The following CIB1 variants were observed in gnomAD, a reference collection of about 807,000 sequenced individuals.
CIB1 encodes the protein calcium and integrin-binding protein 1.
In CIB1, 19 loss-of-function variants were observed where a neutral mutation model predicts 25.0. That is an observed-to-expected ratio of 0.76 (90% CI 0.53 to 1.12). The LOEUF is 1.12. CIB1 is among the 50% of genes most tolerant of loss of function. The pLI is 0.00. For missense variants in CIB1, 236 were observed against 242.6 expected (o/e 0.97, Z 0.18); for synonymous variants, 104 against 98.5 (o/e 1.06, Z -0.33).
At chr15:90,258,776 T>A in the CIB1 span, 2 of 1,614,080 alleles carry the variant, frequency 1.2e-6, no homozygotes, top group African/African-American at 2.7e-5. Context: ...CACGGACTCA[T>A]GCCTTGATCA....
the CIB1 span, chr15:90,250,863 G>A: frequency 6.2e-7 from 1 of 1,614,098 alleles, no homozygotes; most frequent in Non-Finnish European, 8.5e-7. Flanking sequence ...GAAGCTGGGA[G>A]GAGGAAGAGA....
intron 1 of CIB1, 46 bp from the exon 2 acceptor site, chr15:90,233,749 C>T (rs1180165173): frequency 6.4e-7 from 1 of 1,555,288 alleles, no homozygotes; most frequent in Non-Finnish European, 8.7e-7. Flanking sequence ...GCTGGGAGGC[C>T]GCGGCCGCCC....
At chr15:90,241,456 C>T in the CIB1 span, 155 of 1,613,516 alleles carry the variant, frequency 9.6e-5, no homozygotes, top group Non-Finnish European at 1.1e-4. Flanking sequence ...CGCCTGCTGC[C>T]GGGTGCACTG....
Position 90,231,013 on chromosome 15 carries a change from C to G in CIB1, c.475G>C (p.Glu159Gln). ...MKQLIDNILE[E>Q]SDIDRDGTIN... Reference sequence around the variant, plus strand: ...GTTCCATCCCTGTCAATGTCAGACTCCTCCAGGATCTGGGAAAGGGAGAGT... The same window carrying G: ...GTTCCATCCCTGTCAATGTCAGACTGCTCCAGGATCTGGGAAAGGGAGAGT... Residue 159 changes from glutamate to glutamine, a missense_variant, in exon 6 of 7, where the codon GAG becomes CAG. Physicochemically the swap from Glu to Gln is conservative, Grantham distance 29. Transcript: ENST00000328649. The G allele has an allele frequency of 1.2e-6, 2 of 1,614,094 alleles. No homozygotes were observed. The highest frequency in any genetic ancestry group is 1.7e-6 in the Non-Finnish European group (2 of 1,179,944).
At chr15:90,239,305 ATGTGTGTGTGTGTGTG>A in the CIB1 span, among the ~76,000 whole-genome samples, 133 of 147,974 alleles carry the variant, frequency 9.0e-4, no homozygotes, top group African/African-American at 3.2e-3. Context: ...GAGACATAAA[ATGTGTGTGTGTGTGTG>A]TGTGTGTGTG....
the CIB1 span, chr15:90,256,204 C>T: frequency 6.2e-7 from 1 of 1,614,212 alleles, no homozygotes; most frequent in East Asian, 2.2e-5. Flanking sequence ...GCAAGCCAGA[C>T]AGTGGCTGTC....
At chr15:90,247,392 C>G in the CIB1 span, among the ~76,000 whole-genome samples, 1 of 150,770 alleles carries the variant, frequency 6.6e-6, no homozygotes, top group African/African-American at 2.5e-5. Flanking sequence ...CTCAGCTTCC[C>G]AAGGTGCTGG....
At chr15:90,262,439 C>T in the CIB1 span, 6 of 1,433,152 alleles carry the variant, frequency 4.2e-6, no homozygotes, top group Non-Finnish European at 5.5e-6. Flanking sequence ...TTCCTCACCC[C>T]TCTTCTCCCC....
the CIB1 span, chr15:90,253,406 G>A: frequency 3.7e-5 from 55 of 1,504,136 alleles, no homozygotes; most frequent in Non-Finnish European, 4.9e-5. Flanking sequence ...AGGGGCTAGG[G>A]CCCCAGAATG....
chr15:90,243,297 G>C, the CIB1 span: 3 of 152,164 alleles, frequency 2.0e-5, no homozygotes, highest in Non-Finnish European at 4.4e-5. Context: ...CCAACACCAA[G>C]TTGAATGCTC....
chr15:90,256,606 T>TTTCC, the CIB1 span, among the ~76,000 whole-genome samples: 888 of 30,352 alleles, frequency 0.029, 16 homozygotes, highest in Admixed American at 0.045. Context: ...TCTTTCTTTC[T>TTTCC]TTCCTTCCTT....
At chr15:90,247,790 C>T in the CIB1 span, among the ~76,000 whole-genome samples, 1 of 150,994 alleles carries the variant, frequency 6.6e-6, no homozygotes, top group South Asian at 2.1e-4. Context: ...GGCTGGAGTG[C>T]AGTGGCGCGA....
chr15:90,246,393 G>C, the CIB1 span, among the ~76,000 whole-genome samples: 3 of 152,092 alleles, frequency 2.0e-5, no homozygotes, highest in East Asian at 3.9e-4. Context: ...TGGGGTAACA[G>C]CTTTGCATTT....
Position 90,233,918 on chromosome 15 carries a change from C to T in CIB1, c.-33G>A. 6.9e-7 allele frequency: 1 copy of T among 1,448,610 alleles called. No homozygotes were observed. The highest frequency in any genetic ancestry group is 9.0e-7 in the Non-Finnish European group (1 of 1,105,628). 89.7% of individuals were successfully genotyped at this position (1,448,610 alleles called of 1,614,324 possible). ...CCGCGCGCACAGCTCCGCCAACTCG[C>T]CTCGAGACGCAGACAACTTTCTCAC... On this transcript the variant is annotated 5_prime_UTR_variant, in exon 1 of 7. Transcript: ENST00000328649.
chr15:90,262,154 G>A, the CIB1 span: 1 of 1,535,552 alleles, frequency 6.5e-7, no homozygotes, highest in Non-Finnish European at 8.7e-7. Flanking sequence ...CCTCTTCCAA[G>A]AGACTGCTGC....
chr15:90,245,479 A>C, the CIB1 span: 9 of 151,822 alleles, frequency 5.9e-5, no homozygotes, highest in Non-Finnish European at 1.3e-4. Context: ...TCTCAAAAAA[A>C]AAAAAAAAGA....
At chr15:90,244,517 C>G in the CIB1 span, 1 of 152,090 alleles carries the variant, frequency 6.6e-6, no homozygotes, top group African/African-American at 2.4e-5. Context: ...GAATGTTATA[C>G]AGCAAAAGTA....
At chr15:90,257,684 T>C in the CIB1 span, 1 of 1,613,070 alleles carries the variant, frequency 6.2e-7, no homozygotes. Flanking sequence ...ACAAACACAA[T>C]GAGAATTTTG....
chr15:90,265,640 T>C, the CIB1 span: 4 of 1,578,664 alleles, frequency 2.5e-6, no homozygotes, highest in Non-Finnish European at 3.5e-6. Context: ...GCCCGCCCCT[T>C]CCACTTCCGG....
Sources: gnomAD v4.1 joint callset for allele counts (sites outside exome capture counted in the v4.1 genomes callset) on GRCh38, gnomAD v4.1.1 for gene constraint, MANE v1.5 for transcripts, NCBI Gene and HGNC (gene_info 2026-07-23, HGNC 2026-07-21) for gene names.